Variants in UGT1A8 observed in about 807,000 individuals in gnomAD.
UGT1A8 encodes UDP glucuronosyltransferase family 1 member A8.
In UGT1A8, 39 loss-of-function variants were observed where a neutral mutation model predicts 45.3. That is an observed-to-expected ratio of 0.86 (90% confidence interval 0.67 to 1.12). The LOEUF (loss-of-function observed/expected upper bound fraction) is 1.12, where lower values mean the gene tolerates loss of function less well. Among genes scored for constraint, UGT1A8 ranks in the 50% most tolerant of loss-of-function variants. The pLI is 0.00. For missense variants in UGT1A8, 719 were observed against 664.9 expected, an observed-to-expected ratio of 1.08 and a Z score of -0.90; for synonymous variants, 275 against 249.2, an observed-to-expected ratio of 1.10 and a Z score of -0.97.
intron 1 of UGT1A8, among the ~76,000 whole-genome samples, chr2:233,708,873 C>T (rs936265781): frequency 1.1e-4 from 16 of 151,932 alleles, no homozygotes; most frequent in Admixed American, 7.9e-4. Context: ...TATTGGTTCA[C>T]ATACTAGAAC....
chr2:233,642,752 G>A (rs1461209243), intron 1 of UGT1A8, among the ~76,000 whole-genome samples: 1 of 152,218 alleles, frequency 6.6e-6, no homozygotes, highest in African/African-American at 2.4e-5. Context: ...GTAACGCTGT[G>A]GTTCTTGCAG....
chr2:233,770,091 G>A (rs1182025509), intron 4 of UGT1A8: 1 of 152,674 alleles, frequency 6.5e-6, no homozygotes, highest in East Asian at 1.9e-4. Context: ...CAGTGGTATA[G>A]ATAACTACTT....
intron 1 of UGT1A8, chr2:233,671,889 T>C (rs935790612): frequency 1.3e-6 from 2 of 1,563,592 alleles, no homozygotes; most frequent in East Asian, 2.2e-5. Flanking sequence ...TACTGTATCA[T>C]AGGAGCTTAG....
At chr2:233,679,382 C>T (rs142374480) in intron 1 of UGT1A8, among the ~76,000 whole-genome samples, 5 of 152,262 alleles carry the variant, frequency 3.3e-5, no homozygotes, top group Non-Finnish European at 7.4e-5. Flanking sequence ...GAGTGTTGAT[C>T]TTTTCCTTTC....
intron 1 of UGT1A8, among the ~76,000 whole-genome samples, chr2:233,619,962 A>T (rs1161123443): frequency 6.6e-6 from 1 of 152,192 alleles, no homozygotes; most frequent in Admixed American, 6.5e-5. Context: ...CTTGAAAAAT[A>T]CCAGAATAAG....
In UGT1A8 at chr2:233,671,708, A is replaced by G. The variant is rs1373381223; in HGVS notation, c.855+53146A>G. 24 of 943,088 alleles carry G rather than the reference A, an allele frequency of 2.5e-5. No individual in the cohort carries two copies. In the East Asian group the frequency reaches 6.4e-4, roughly 25 times the overall value. 58.4% of individuals were successfully genotyped at this position (943,088 alleles called of 1,614,324 possible). ...GGCATGTTCTGCCCCCAAGGCAAAG[A>G]CCATAAGCTACTGTTGTCTGGAAAA... On this transcript the variant is annotated intron_variant, in intron 1 of 4. Coordinates refer to ENST00000373450, the MANE Select transcript of UGT1A8 (RefSeq NM_019076.5).
chr2:233,646,566 C>T (rs951250583), intron 1 of UGT1A8, among the ~76,000 whole-genome samples: 3 of 152,196 alleles, frequency 2.0e-5, no homozygotes, highest in Non-Finnish European at 2.9e-5. Context: ...AATCATCTTT[C>T]TAAGGTTCAA....
intron 1 of UGT1A8, chr2:233,671,770 A>G (rs1339186323): frequency 3.6e-6 from 5 of 1,372,886 alleles, no homozygotes; most frequent in South Asian, 1.8e-5. Flanking sequence ...CTACTCATAT[A>G]TTCTTGTTCT....
intron 1 of UGT1A8, among the ~76,000 whole-genome samples, chr2:233,686,733 C>G (rs978892759): frequency 6.6e-6 from 1 of 152,248 alleles, no homozygotes; most frequent in African/African-American, 2.4e-5. Flanking sequence ...AGGTCAACCT[C>G]TTGCCTTCCC....
At position 233,617,962 on chromosome 2, in the gene UGT1A8, T is replaced by A. The variant is rs113488922; in HGVS notation, c.255T>A (p.Asp85Glu). 1.9e-6 allele frequency: 3 copies of A among 1,614,188 alleles called. No individual in the cohort carries two copies. The Admixed American group carries it at 5.0e-5, about 27-fold the overall frequency. ...ACTCAACCTCATACACTCTGGAGGA[T>A]CTGGACCGGGAATTCATGGATTTCG... ...KTYSTSYTLE[D>E]LDREFMDFAD... The change falls in exon 1 of 5, where the codon GAT (aspartate) becomes GAA (glutamate). Residue 85 changes from aspartate to glutamate, a missense_variant. By Grantham distance (45) the Asp-to-Glu change is conservative. Coordinates refer to ENST00000373450, the MANE Select transcript of UGT1A8 (RefSeq NM_019076.5).
chr2:233,725,063 TGCAATCG>T (rs2077358675), intron 1 of UGT1A8, among the ~76,000 whole-genome samples: 2 of 146,678 alleles, frequency 1.4e-5, no homozygotes, highest in African/African-American at 5.1e-5. Flanking sequence ...GGCGCGCGCC[TGCAATCG>T]CAGGCACTCG....
chr2:233,739,386 C>A (rs1247379490), intron 1 of UGT1A8, among the ~76,000 whole-genome samples: 2 of 152,188 alleles, frequency 1.3e-5, no homozygotes, highest in East Asian at 3.9e-4. Flanking sequence ...CCTGGAAGAG[C>A]CACAGACATC....
At chr2:233,654,969 T>C (rs2073824177) in intron 1 of UGT1A8, among the ~76,000 whole-genome samples, 1 of 151,988 alleles carries the variant, frequency 6.6e-6, no homozygotes, top group African/African-American at 2.4e-5. Context: ...CGGGCATCTG[T>C]AATCATAGCT....
chr2:233,747,268 C>T lies in UGT1A8; in HGVS notation c.856-19766C>T, dbSNP rs567491863. On this transcript the variant is annotated intron_variant, in intron 1 of 4. Coordinates refer to ENST00000373450, the MANE Select transcript of UGT1A8 (RefSeq NM_019076.5). ...GTGGCTGGCCACAGGAGTGCTACTC[C>T]TTCTCAGTGCCCAGCCCTGGGCTGA... 3.1e-6 allele frequency: 5 copies of T among 1,599,420 alleles called. No individual in the cohort carries two copies. In the African/African-American group the frequency reaches 4.0e-5, roughly 13 times the overall value.
At position 233,655,696 on chromosome 2, in the gene UGT1A8, G is replaced by A. The variant is rs28969698; in HGVS notation, c.855+37134G>A. 4.7e-3 allele frequency among the ~76,000 whole-genome samples: 718 copies of A among 152,288 alleles called. 7 individuals carry two copies. Among genetic ancestry groups the A allele is most frequent in the African/African-American group, 0.016 (668 of 41,568 alleles). ...GTCCTGGTCTCCCTGAAGCAAGGACGCCTCTCTGGCCTCAGGGTGCCTGTC... is the reference window on the plus strand; with the variant it reads ...GTCCTGGTCTCCCTGAAGCAAGGACACCTCTCTGGCCTCAGGGTGCCTGTC... On this transcript the variant is annotated intron_variant, in intron 1 of 4. Transcript: ENST00000373450.
chr2:233,637,344 T>G lies in UGT1A8; in HGVS notation c.855+18782T>G, dbSNP rs777704464. Reference sequence around the variant, plus strand: ...TGCCCAACATGATCTTCATTGGTGGTATCAACTGTCATCAGGGAAAGCCAT... The same window carrying G: ...TGCCCAACATGATCTTCATTGGTGGGATCAACTGTCATCAGGGAAAGCCAT... On this transcript the variant is annotated intron_variant, in intron 1 of 4. Transcript: ENST00000373450. The G allele has an allele frequency of 3.1e-6, 5 of 1,613,900 alleles. No individual in the cohort carries two copies. The Admixed American group carries it at 8.3e-5, about 27-fold the overall frequency.
At chr2:233,688,060 A>G (rs1015195974) in intron 1 of UGT1A8, among the ~76,000 whole-genome samples, 1 of 152,226 alleles carries the variant, frequency 6.6e-6, no homozygotes, top group Non-Finnish European at 1.5e-5. Flanking sequence ...CACTCCAAAA[A>G]GAAACCCCAT....
At chr2:233,753,608 G>C (rs980639486) in intron 1 of UGT1A8, 1 of 152,136 alleles carries the variant, frequency 6.6e-6, no homozygotes, top group Non-Finnish European at 1.5e-5. Flanking sequence ...TGCCCCAAAA[G>C]GTCTTCATTT....
chr2:233,713,574 C>T (rs1477870335), intron 1 of UGT1A8: 1 of 1,613,856 alleles, frequency 6.2e-7, no homozygotes. Flanking sequence ...CTCCTATATT[C>T]CTAGATTACT....
Sources: allele counts gnomAD v4.1 joint callset (sites outside exome capture counted in the v4.1 genomes callset), GRCh38; gene constraint gnomAD v4.1.1; transcripts MANE v1.5; gene names NCBI Gene and HGNC (gene_info 2026-07-23, HGNC 2026-07-21).